Variants in SRGAP2 observed in about 807,000 individuals in gnomAD.
SRGAP2 encodes the protein SLIT-ROBO Rho GTPase-activating protein 2.
A neutral mutation model predicts 57.2 loss-of-function variants in SRGAP2; 15 were observed. The observed-to-expected ratio is 0.26, with a 90% CI of 0.18 to 0.40. The LOEUF (loss-of-function observed/expected upper bound fraction) is 0.40. Among genes scored for constraint, SRGAP2 ranks in the 10% least tolerant of loss-of-function variants. The pLI, the probability that SRGAP2 is intolerant of heterozygous loss-of-function variation, is 1.00. For missense variants in SRGAP2, 520 were observed against 669.6 expected (o/e 0.78, Z 2.47); for synonymous variants, 249 against 248.0 (o/e 1.00, Z -0.04).
chr1:206,347,737 C>A (rs1257492606), intron 4 of SRGAP2, among the ~76,000 whole-genome samples: 1 of 149,124 alleles, frequency 6.7e-6, no homozygotes, highest in Non-Finnish European at 1.5e-5. Context: ...TTCTCTGTTT[C>A]ATTGAATTCA....
intron 11 of SRGAP2, among the ~76,000 whole-genome samples, chr1:206,417,103 C>CT (rs546280000): frequency 0.024 from 3,180 of 133,752 alleles, 119 homozygotes; most frequent in African/African-American, 0.069. Context: ...CTAATGACTT[C>CT]TTTTTTTTTT....
chr1:206,406,403 G>T lies in SRGAP2; in HGVS notation c.1185G>T (p.Leu395=), dbSNP rs570033968. ...EEVKKTMEAT[L]QTIQDIVTVE... ...TAAAGAAGACAATGGAGGCCACCCT[G>T]CAAACCATCCAGGACATTGTGACTG... The change falls in exon 10 of 23, where the codon CTG becomes CTT. Residue 395 remains leucine, a synonymous_variant. Coordinates refer to ENST00000573034, the MANE Select transcript of SRGAP2 (RefSeq NM_015326.5). 1 of 662,666 alleles carries T rather than the reference G, an allele frequency of 1.5e-6. No homozygotes were observed. The highest frequency in any genetic ancestry group is 2.8e-6 in the Non-Finnish European group (1 of 362,304). 41.0% of individuals were successfully genotyped at this position (662,666 alleles called of 1,614,324 possible).
At chr1:206,260,912 C>T (rs1303447465) in intron 2 of SRGAP2, among the ~76,000 whole-genome samples, 21 of 152,214 alleles carry the variant, frequency 1.4e-4, no homozygotes, top group Non-Finnish European at 2.8e-4. Context: ...CCCAATTACT[C>T]GTATTCACGA....
At chr1:206,442,980 A>C (rs1328450804) in intron 17 of SRGAP2, among the ~76,000 whole-genome samples, 4 of 152,204 alleles carry the variant, frequency 2.6e-5, no homozygotes, top group African/African-American at 9.7e-5. Context: ...TCAAGGAACC[A>C]AAAAAGCTAA....
chr1:206,397,265 GTCTT>G (rs1157711192), intron 7 of SRGAP2, among the ~76,000 whole-genome samples: 1 of 151,924 alleles, frequency 6.6e-6, no homozygotes, highest in African/African-American at 2.4e-5. Flanking sequence ...TATCGGTAGT[GTCTT>G]TCTTTTTCTT....
chr1:206,458,589 C>T (rs1553379246), intron 21 of SRGAP2, 34 bp from the exon 22 acceptor site: 4 of 694,950 alleles, frequency 5.8e-6, no homozygotes, highest in Non-Finnish European at 1.1e-5. Context: ...CCAGGGCTCC[C>T]TGATCACACT....
intron 4 of SRGAP2, among the ~76,000 whole-genome samples, chr1:206,373,021 CTTTCTTTT>C (rs1654832537): frequency 4.0e-5 from 4 of 100,154 alleles, no homozygotes; most frequent in Admixed American, 1.2e-4. Flanking sequence ...TTCTTTCTTT[CTTTCTTTT>C]CTTTCTCTCT....
chr1:206,307,237 G>A (rs1158539598), intron 3 of SRGAP2, among the ~76,000 whole-genome samples: 377 of 149,870 alleles, frequency 2.5e-3, no homozygotes, highest in African/African-American at 7.9e-3. Context: ...GGTTCTCCAC[G>A]TCCTCACTAG....
intron 11 of SRGAP2, 91 bp from the exon 12 acceptor site, chr1:206,419,282 G>A (rs1473951537): frequency 1.3e-6 from 1 of 760,112 alleles, no homozygotes; most frequent in African/African-American, 1.7e-5. Flanking sequence ...GCTGTCTAGG[G>A]GAGATAGGCA....
chr1:206,449,309 T>TTTA (rs1663051572), intron 18 of SRGAP2, among the ~76,000 whole-genome samples: 1 of 149,320 alleles, frequency 6.7e-6, no homozygotes, highest in African/African-American at 2.5e-5. Flanking sequence ...TTTTTTTTTT[T>TTTA]TAGACAGGAT....
At chr1:206,427,640 G>A (rs1033578303) in intron 13 of SRGAP2, among the ~76,000 whole-genome samples, 2 of 152,156 alleles carry the variant, frequency 1.3e-5, no homozygotes, top group African/African-American at 2.4e-5. Context: ...CAGAGCCAGG[G>A]GGGGGATCCA....
At chr1:206,349,534 A>G (rs1377508871) in intron 4 of SRGAP2, among the ~76,000 whole-genome samples, 1 of 149,656 alleles carries the variant, frequency 6.7e-6, no homozygotes, top group Non-Finnish European at 1.5e-5. Flanking sequence ...AAAGAGGTCC[A>G]TATTCTAACC....
chr1:206,344,039 G>A lies in SRGAP2; in HGVS notation c.423+1031G>A, dbSNP rs530859170. On this transcript the variant is annotated intron_variant, in intron 4 of 22. Transcript: ENST00000573034. ...ATTATTAAAATTTGAAAGTATGAGA[G>A]AAAAGACTGGTAAACAGGATTGTAG... Among the ~76,000 whole-genome samples the A allele has an allele frequency of 4.1e-3, 619 of 152,088 alleles. 4 individuals are homozygous for A. Among genetic ancestry groups the A allele is most frequent in the South Asian group, 0.012 (60 of 4,820 alleles).
At chr1:206,301,052 G>A (rs1671842861) in intron 2 of SRGAP2, among the ~76,000 whole-genome samples, 1 of 152,168 alleles carries the variant, frequency 6.6e-6, no homozygotes, top group Admixed American at 6.5e-5. Context: ...GTTTGTTTGA[G>A]ATGGAGTCTC....
intron 2 of SRGAP2, among the ~76,000 whole-genome samples, chr1:206,249,336 C>A (rs1343937401): frequency 8.5e-5 from 13 of 152,074 alleles, no homozygotes; most frequent in Non-Finnish European, 1.8e-4. Context: ...AGACTTGGAA[C>A]CAACCCAAAT....
At chr1:206,206,409 T>C in intron 2 of SRGAP2, 1 of 193,012 alleles carries the variant, frequency 5.2e-6, no homozygotes, top group Non-Finnish European at 1.1e-5. Flanking sequence ...TGACAGGTGT[T>C]TGGACATTTG....
intron 2 of SRGAP2, among the ~76,000 whole-genome samples, chr1:206,261,058 A>G (rs1340937133): frequency 2.0e-5 from 3 of 150,262 alleles, no homozygotes; most frequent in Non-Finnish European, 4.4e-5. Context: ...AATGAAACCT[A>G]CTTAAGACCC....
intron 8 of SRGAP2, among the ~76,000 whole-genome samples, chr1:206,402,131 A>C (rs560960970): frequency 6.6e-6 from 1 of 152,180 alleles, no homozygotes; most frequent in East Asian, 1.9e-4. Context: ...GAATGCTGTG[A>C]TCTTTTGGCA....
intron 2 of SRGAP2, among the ~76,000 whole-genome samples, chr1:206,284,697 C>T (rs1453459307): frequency 2.0e-5 from 3 of 152,208 alleles, no homozygotes; most frequent in African/African-American, 7.2e-5. Flanking sequence ...GGTCCTCCCG[C>T]TTCGGCCTCC....
Sources: gnomAD v4.1 joint callset for allele counts (sites outside exome capture counted in the v4.1 genomes callset) on GRCh38, gnomAD v4.1.1 for gene constraint, MANE v1.5 for transcripts, NCBI Gene and HGNC (gene_info 2026-07-23, HGNC 2026-07-21) for gene names.